The following STRA8 variants were observed in gnomAD, a reference collection of about 807,000 sequenced individuals.
STRA8 encodes stimulated by retinoic acid 8, also known as stimulated by retinoic acid gene 8 protein homolog.
STRA8 carries 18 observed loss-of-function variants against 37.1 expected under a neutral mutation model. That is an observed-to-expected ratio of 0.48 (90% CI 0.34 to 0.72). The LOEUF (loss-of-function observed/expected upper bound fraction) is 0.72. Ranked by LOEUF, STRA8 falls within the 30% of genes least tolerant of loss-of-function variation. STRA8 has a pLI of 0.01. For synonymous variants in STRA8, 168 were observed against 162.9 expected (o/e 1.03, Z -0.24); for missense variants, 357 against 410.4 (o/e 0.87, Z 1.13).
chr7:135,257,687 A>G (rs925417934), intron 8 of STRA8, among the ~76,000 whole-genome samples: 1 of 152,068 alleles, frequency 6.6e-6, no homozygotes, highest in African/African-American at 2.4e-5. Context: ...TTGGCCTCCC[A>G]AAGTGCTGGG....
rs1832596862 is a variant in STRA8 at position 135,248,469 on chromosome 7, C to T, written c.879+1767C>T. 2.6e-5 allele frequency among the ~76,000 whole-genome samples: 4 copies of T among 152,160 alleles called. No individual in the cohort carries two copies. The South Asian group carries it at 6.2e-4, about 24-fold the overall frequency. ...CTGTAATCCCAGCACTTGGGGAGGC[C>T]GAGCAAGGTGGGAGCAATGCTTGAG... On this transcript the variant is annotated intron_variant, in intron 6 of 8. Transcript: ENST00000662584.
rs1338908005 is a variant in STRA8 at position 135,236,284 on chromosome 7, G to GTGTGTA, written c.-7+2386_-7+2387insATGTGT. ...TATATATATGTGTGTGTGTATGTGT[G>GTGTGTA]TGTGTGTGTGTGTGTGTGAACTAGA... On this transcript the variant is annotated intron_variant, in intron 1 of 8. Coordinates refer to ENST00000662584, the MANE Select transcript of STRA8 (RefSeq NM_001394401.1). Among the ~76,000 whole-genome samples the GTGTGTA allele has an allele frequency of 4.0e-4, 61 of 151,684 alleles. 2 individuals carry two copies. In the South Asian group the frequency reaches 0.012, roughly 31 times the overall value.
At chr7:135,252,678 A>G (rs1358637156) in intron 7 of STRA8, among the ~76,000 whole-genome samples, 4 of 152,156 alleles carry the variant, frequency 2.6e-5, no homozygotes, top group East Asian at 3.9e-4. Flanking sequence ...TTTGCACCCC[A>G]TTCCCAGTGT....
intron 8 of STRA8, among the ~76,000 whole-genome samples, chr7:135,257,015 C>A (rs555487306): frequency 1.3e-5 from 2 of 152,206 alleles, no homozygotes; most frequent in African/African-American, 2.4e-5. Context: ...TGTCTTCCTG[C>A]TGAACAAGGG....
chr7:135,240,572 C>T lies in STRA8; in HGVS notation c.48C>T (p.Pro16=). 6.2e-7 allele frequency: 1 copy of T among 1,614,192 alleles called. No homozygotes were observed. The highest frequency in any genetic ancestry group is 8.5e-7 in the Non-Finnish European group (1 of 1,180,034). Residue 16 remains proline, a synonymous_variant, in exon 2 of 9, where the codon CCC becomes CCT. Coordinates refer to ENST00000662584, the MANE Select transcript of STRA8 (RefSeq NM_001394401.1). ...ENSNPHDRAT[P]QLPAQLQELE... ...GCAATCCCCATGACAGAGCAACACCCCAGCTGCCAGCACAGCTGCAGGAGC... is the reference window on the plus strand; with the variant it reads ...GCAATCCCCATGACAGAGCAACACCTCAGCTGCCAGCACAGCTGCAGGAGC...
intron 4 of STRA8, among the ~76,000 whole-genome samples, chr7:135,244,129 G>A (rs995632769): frequency 6.6e-6 from 1 of 152,228 alleles, no homozygotes; most frequent in African/African-American, 2.4e-5. Flanking sequence ...CATGATCTCA[G>A]TTCACTGCCA....
At chr7:135,238,250 G>A (rs1443708882) in intron 1 of STRA8, among the ~76,000 whole-genome samples, 6 of 152,196 alleles carry the variant, frequency 3.9e-5, no homozygotes, top group Non-Finnish European at 7.4e-5. Flanking sequence ...GGGCGCCTGG[G>A]GGCAGGCAAG....
rs771517271 is a variant in STRA8 at position 135,258,453 on chromosome 7, G to A, written c.1101G>A (p.Met367Ile). Residue 367 changes from methionine (M) to isoleucine (I), a missense_variant, in exon 9 of 9, where the codon ATG (methionine) becomes ATA (isoleucine). Met to Ile is a conservative substitution (Grantham distance 10, BLOSUM62 1). Transcript: ENST00000662584. Reference sequence around the variant, plus strand: ...TTCCCGTTGATGAAGAGATGATCATGTTGCAGTGCACAGAGACCTTTGACG... The same window carrying A: ...TTCCCGTTGATGAAGAGATGATCATATTGCAGTGCACAGAGACCTTTGACG... ...ASFPVDEEMI[M>I]LQCTETFDDE... 5.0e-6 allele frequency: 8 copies of A among 1,607,142 alleles called. No homozygotes were observed. The highest frequency in any genetic ancestry group is 1.3e-5 in the African/African-American group (1 of 74,992).
intron 1 of STRA8, among the ~76,000 whole-genome samples, chr7:135,237,581 A>G (rs1562968306): frequency 6.6e-6 from 1 of 152,156 alleles, no homozygotes; most frequent in Non-Finnish European, 1.5e-5. Flanking sequence ...GGACAGACCC[A>G]AGTGTATTAT....
intron 1 of STRA8, among the ~76,000 whole-genome samples, chr7:135,239,051 A>G (rs1832421007): frequency 1.3e-5 from 2 of 152,222 alleles, no homozygotes; most frequent in Admixed American, 1.3e-4. Flanking sequence ...GGGGAAGACC[A>G]GATTATTGAT....
intron 7 of STRA8, among the ~76,000 whole-genome samples, chr7:135,254,814 G>T (rs1449476483): frequency 6.6e-6 from 1 of 152,198 alleles, no homozygotes; most frequent in Non-Finnish European, 1.5e-5. Context: ...AACTGTGGGG[G>T]CATTCTGCAG....
chr7:135,254,912 CA>C (rs1832683727), intron 7 of STRA8, among the ~76,000 whole-genome samples: 4 of 152,178 alleles, frequency 2.6e-5, no homozygotes, highest in Non-Finnish European at 4.4e-5. Context: ...CCAGTCTCAC[CA>C]CAGTCTCGAT....
Position 135,246,597 on chromosome 7 carries a change from C to A in STRA8, c.774C>A (p.Thr258=), listed in dbSNP as rs1431539758. The change falls in exon 6 of 9, where the codon ACC becomes ACA. Residue 258 remains threonine (T), a synonymous_variant. Coordinates refer to ENST00000662584, the MANE Select transcript of STRA8 (RefSeq NM_001394401.1). This position sits in a 1 kb window ranked among gnomAD's most constrained non-coding sequence, Gnocchi z 5.4. ...AWAQKHRGPA[T]LAEACREPAC... ...CGCAGAAGCACCGCGGCCCTGCGAC[C>A]CTGGCGGAGGCCTGCCGAGAGCCGG... 1.3e-6 allele frequency: 2 copies of A among 1,539,282 alleles called. No homozygotes were observed. The highest frequency in any genetic ancestry group is 2.4e-5 in the South Asian group (2 of 83,890).
chr7:135,251,983 CAG>C (rs1426893494), intron 7 of STRA8, 114 bp downstream of exon 7: 1 of 905,980 alleles, frequency 1.1e-6, no homozygotes, highest in East Asian at 2.5e-5. Flanking sequence ...AAGTCAGAGA[CAG>C]AGAGAGGAGA....
At chr7:135,248,212 C>T (rs1832592743) in intron 6 of STRA8, among the ~76,000 whole-genome samples, 1 of 152,250 alleles carries the variant, frequency 6.6e-6, no homozygotes, top group African/African-American at 2.4e-5. Flanking sequence ...AGATGTCACC[C>T]ATTCCTGTCC....
chr7:135,257,523 C>A (rs1480138353), intron 8 of STRA8, among the ~76,000 whole-genome samples: 1 of 151,992 alleles, frequency 6.6e-6, no homozygotes, highest in African/African-American at 2.4e-5. Context: ...CTCCCAGGTT[C>A]AAGTGATTCT....
In STRA8 at chr7:135,237,660, G is replaced by A. The variant is rs1459359173; in HGVS notation, c.-6-2859G>A. On this transcript the variant is annotated intron_variant, in intron 1 of 8. Coordinates refer to ENST00000662584, the MANE Select transcript of STRA8 (RefSeq NM_001394401.1). ...TGTAAACCTTGCACTTTGGGAGGCC[G>A]AGGCAGGCGGATCAGGAGGTCAGGA... Among the ~76,000 whole-genome samples the A allele has an allele frequency of 7.2e-5, 11 of 152,154 alleles. 1 individual carries two copies. Among genetic ancestry groups the A allele is most frequent in the South Asian group, 4.1e-4 (2 of 4,830 alleles).
At chr7:135,233,056 T>C (rs1832316849), upstream of STRA8, among the ~76,000 whole-genome samples, 1 of 152,168 alleles carries the variant, frequency 6.6e-6, no homozygotes, top group Non-Finnish European at 1.5e-5. Flanking sequence ...CAACCAGATA[T>C]AGTGGGATCA....
chr7:135,243,796 A>G (rs536080763), intron 4 of STRA8, among the ~76,000 whole-genome samples: 1 of 152,336 alleles, frequency 6.6e-6, no homozygotes, highest in African/African-American at 2.4e-5. Flanking sequence ...AGCTTTTTCT[A>G]TATGTATTTT....
Sources: allele counts gnomAD v4.1 joint callset (sites outside exome capture counted in the v4.1 genomes callset), GRCh38; gene constraint gnomAD v4.1.1; non-coding constraint Gnocchi (gnomAD v3.1); transcripts MANE v1.5; gene names NCBI Gene and HGNC (gene_info 2026-07-23, HGNC 2026-07-21).